The following MTMR7 variants were observed in gnomAD, a reference collection of about 807,000 sequenced individuals.
MTMR7 encodes the protein phosphatidylinositol-3-phosphate phosphatase MTMR7.
Under a neutral mutation model 81.2 loss-of-function variants are expected in MTMR7, and 76 were observed. That is an observed-to-expected ratio of 0.94 (90% CI 0.78 to 1.13). MTMR7 has a LOEUF of 1.13. Ranked by LOEUF, MTMR7 falls within the 50% of genes most tolerant of loss-of-function variation. The pLI is 0.00. For synonymous variants in MTMR7, 372 were observed against 289.8 expected (o/e 1.28, Z -2.88); for missense variants, 1,044 against 820.0 (o/e 1.27, Z -3.34).
chr8:17,306,046 C>G, intron 10 of MTMR7, 89 bp from the exon 11 acceptor site: 1 of 988,974 alleles, frequency 1.0e-6, no homozygotes, highest in Non-Finnish European at 1.5e-6. Flanking sequence ...AAAAGCAACC[C>G]TAGTTCCTAA....
chr8:17,407,988 T>C (rs963023407), intron 1 of MTMR7, among the ~76,000 whole-genome samples: 6 of 152,208 alleles, frequency 3.9e-5, no homozygotes, highest in African/African-American at 1.4e-4. Context: ...AACAGAATTG[T>C]ATAATTATAA....
At chr8:17,367,698 C>A (rs1820271432) in intron 3 of MTMR7, among the ~76,000 whole-genome samples, 1 of 152,086 alleles carries the variant, frequency 6.6e-6, no homozygotes, top group Admixed American at 6.5e-5. Flanking sequence ...GAGATAATCT[C>A]GACATTTATT....
At chr8:17,404,138 G>A (rs1172670129) in intron 1 of MTMR7, among the ~76,000 whole-genome samples, 2 of 152,132 alleles carry the variant, frequency 1.3e-5, no homozygotes, top group African/African-American at 2.4e-5. Flanking sequence ...ACTGGTGGGG[G>A]AGTGGCAAAA....
chr8:17,413,203 C>G (rs369536197), intron 1 of MTMR7, 66 bp downstream of exon 1: 21 of 1,526,874 alleles, frequency 1.4e-5, no homozygotes, highest in Non-Finnish European at 1.8e-5. Flanking sequence ...CCCGCGCGCT[C>G]AGCATCCCTC....
chr8:17,323,209 A>G (rs1818498317), intron 7 of MTMR7, among the ~76,000 whole-genome samples: 1 of 151,922 alleles, frequency 6.6e-6, no homozygotes, highest in South Asian at 2.1e-4. Flanking sequence ...AGCCTCCCAC[A>G]GTGCTGAGAT....
At chr8:17,330,072 CAA>C (rs1360352616) in intron 7 of MTMR7, among the ~76,000 whole-genome samples, 3 of 152,138 alleles carry the variant, frequency 2.0e-5, no homozygotes, top group Admixed American at 2.0e-4. Flanking sequence ...CTGATGTGTT[CAA>C]AGTTTCATAA....
Position 17,348,867 on chromosome 8 carries a change from C to T in MTMR7, c.597+86G>A, listed in dbSNP as rs1819640722. 4.4e-5 allele frequency: 66 copies of T among 1,499,176 alleles called. No homozygotes were observed. In the South Asian group the frequency reaches 6.2e-4, roughly 14 times the overall value. 92.9% of individuals were successfully genotyped at this position (1,499,176 alleles called of 1,614,324 possible). On this transcript the variant is annotated intron_variant, in intron 5 of 13. Transcript: ENST00000180173. ...TCTGAAGAATTCAAACACACACACA[C>T]GCACAGCAGAAGGCAGCTAGAAAAT...
At chr8:17,316,613 C>G (rs968796854) in intron 7 of MTMR7, among the ~76,000 whole-genome samples, 16 of 151,894 alleles carry the variant, frequency 1.1e-4, no homozygotes, top group Admixed American at 1.1e-3. Flanking sequence ...GGTTCCACAT[C>G]CTTGGAGTCA....
At chr8:17,312,345 C>G (rs757799626) in intron 8 of MTMR7, among the ~76,000 whole-genome samples, 2 of 152,020 alleles carry the variant, frequency 1.3e-5, no homozygotes, top group African/African-American at 2.4e-5. Context: ...GAGGCCGTGG[C>G]GGGTGGATCA....
intron 3 of MTMR7, among the ~76,000 whole-genome samples, chr8:17,366,179 T>G (rs1820219380): frequency 6.6e-6 from 1 of 152,138 alleles, no homozygotes; most frequent in Non-Finnish European, 1.5e-5. Flanking sequence ...CAACCTTTGC[T>G]CCTTCTCTCC....
chr8:17,331,156 G>A lies in MTMR7; in HGVS notation c.859C>T (p.Leu287=), dbSNP rs753871023. Residue 287 remains leucine, a synonymous_variant, in exon 7 of 14, where the codon CTG becomes TTG. Coordinates refer to ENST00000180173, the MANE Select transcript of MTMR7 (RefSeq NM_004686.5). ...HVMRNSLQKM[L]EVCELKSPSM... ...GCATAAGGAAATGGTTTACCTTCCA[G>A]CATTTTCTGCAGACTGTTCCTCATG... 4 of 1,609,994 alleles carry A rather than the reference G, an allele frequency of 2.5e-6. No individual in the cohort carries two copies. The highest frequency in any genetic ancestry group is 3.4e-6 in the Non-Finnish European group (4 of 1,178,858).
intron 12 of MTMR7, 68 bp downstream of exon 12, chr8:17,304,311 C>T: frequency 6.4e-7 from 1 of 1,552,288 alleles, no homozygotes; most frequent in East Asian, 2.3e-5. Context: ...ACTTTGACCT[C>T]TGAATGTTAA....
rs1816859129 is a variant in MTMR7, at chr8:17,298,198, C to T, written c.*1664G>A. On this transcript the variant is annotated 3_prime_UTR_variant, in exon 14 of 14. Transcript: ENST00000180173. ...GTTATAAAAATGTGAAAGCCATTAC[C>T]ACTATATCCTAAGTTTTATTTTAGC... 1 of 152,016 alleles carries T rather than the reference C, an allele frequency of 6.6e-6. No homozygotes were observed. Among genetic ancestry groups the T allele is most frequent in the South Asian group, 2.1e-4 (1 of 4,830 alleles). The allele number at this position is 152,016 out of a possible 1,614,324, so 9.4% of individuals were successfully genotyped here.
intron 6 of MTMR7, among the ~76,000 whole-genome samples, chr8:17,337,939 T>A (rs1396741299): frequency 6.6e-6 from 1 of 152,240 alleles, no homozygotes; most frequent in Non-Finnish European, 1.5e-5. Flanking sequence ...CAGGAACGAT[T>A]CAGGTCAGCT....
At chr8:17,383,897 C>T (rs1409638414) in intron 1 of MTMR7, among the ~76,000 whole-genome samples, 1 of 152,090 alleles carries the variant, frequency 6.6e-6, no homozygotes, top group African/African-American at 2.4e-5. Flanking sequence ...AGGAACCAAG[C>T]CCCACTTCTA....
intron 5 of MTMR7, among the ~76,000 whole-genome samples, chr8:17,347,996 T>C (rs547232364): frequency 1.3e-5 from 2 of 151,976 alleles, no homozygotes; most frequent in South Asian, 4.2e-4. Flanking sequence ...AGCAGAAAGG[T>C]AGAAGGAGCT....
At chr8:17,391,809 T>C (rs1821116804) in intron 1 of MTMR7, among the ~76,000 whole-genome samples, 1 of 152,158 alleles carries the variant, frequency 6.6e-6, no homozygotes, top group African/African-American at 2.4e-5. Flanking sequence ...AAAGTAAACA[T>C]ACAATTTTTA....
chr8:17,323,944 T>G (rs1438080193), intron 7 of MTMR7, among the ~76,000 whole-genome samples: 3 of 152,200 alleles, frequency 2.0e-5, no homozygotes, highest in African/African-American at 4.8e-5. Flanking sequence ...AAAATTAATC[T>G]TTGAACTGTC....
chr8:17,340,841 T>C (rs1355692766), intron 6 of MTMR7, among the ~76,000 whole-genome samples: 2 of 152,246 alleles, frequency 1.3e-5, no homozygotes, highest in African/African-American at 4.8e-5. Context: ...CTTTCAGATC[T>C]TTTTCTACAC....
Sources: allele counts gnomAD v4.1 joint callset (sites outside exome capture counted in the v4.1 genomes callset), GRCh38; gene constraint gnomAD v4.1.1; transcripts MANE v1.5; gene names NCBI Gene and HGNC (gene_info 2026-07-23, HGNC 2026-07-21).